Variants in EPB41L4A observed in about 807,000 individuals in gnomAD.
EPB41L4A encodes erythrocyte membrane protein band 4.1 like 4A.
In EPB41L4A, 100 loss-of-function variants were observed where a neutral mutation model predicts 108.6. The ratio of observed to expected loss-of-function variants is 0.92; its 90% CI spans 0.78 to 1.09. The LOEUF is 1.09. Among genes scored for constraint, EPB41L4A ranks in the 50% least tolerant of loss-of-function variants. The probability of loss-of-function intolerance (pLI) is 0.00; values close to 1 mark genes in which losing one functional copy is unlikely to be tolerated. For missense variants in EPB41L4A, 1,030 were observed against 842.7 expected (o/e 1.22, Z -2.75); for synonymous variants, 319 against 289.0 (o/e 1.10, Z -1.05).
At chr5:112,239,297 A>G (rs550686732) in intron 11 of EPB41L4A, among the ~76,000 whole-genome samples, 1 of 152,376 alleles carries the variant, frequency 6.6e-6, no homozygotes, top group African/African-American at 2.4e-5. Flanking sequence ...GTATTAAAAT[A>G]GGGGATCAAC....
At chr5:112,406,320 G>A (rs1762069290) in intron 1 of EPB41L4A, among the ~76,000 whole-genome samples, 1 of 152,160 alleles carries the variant, frequency 6.6e-6, no homozygotes, top group Non-Finnish European at 1.5e-5. Flanking sequence ...TCACTGATCA[G>A]TTTTTAATTT....
At chr5:112,396,016 A>G (rs1221251086) in intron 1 of EPB41L4A, among the ~76,000 whole-genome samples, 2 of 152,158 alleles carry the variant, frequency 1.3e-5, no homozygotes, top group African/African-American at 4.8e-5. Context: ...ACCAAACACC[A>G]CATGTTCTCA....
chr5:112,362,913 T>C (rs971852488), intron 1 of EPB41L4A, among the ~76,000 whole-genome samples: 2 of 88,550 alleles, frequency 2.3e-5, no homozygotes, highest in Admixed American at 2.6e-4. Context: ...ATTTGATTAT[T>C]ATTATTTTTT....
chr5:112,265,881 G>T (rs1751816167), intron 5 of EPB41L4A, among the ~76,000 whole-genome samples: 1 of 152,210 alleles, frequency 6.6e-6, no homozygotes, highest in Non-Finnish European at 1.5e-5. Flanking sequence ...AGCAATGCAG[G>T]AGCAATGGGA....
intron 18 of EPB41L4A, among the ~76,000 whole-genome samples, chr5:112,172,980 G>A (rs191426212): frequency 7.9e-5 from 12 of 152,266 alleles, no homozygotes; most frequent in Admixed American, 4.6e-4. Context: ...CCAACTAGAC[G>A]CCAGTAGCAC....
At chr5:112,274,766 T>A (rs551919492) in intron 4 of EPB41L4A, among the ~76,000 whole-genome samples, 2 of 152,322 alleles carry the variant, frequency 1.3e-5, no homozygotes, top group Admixed American at 1.3e-4. Context: ...GACAACCTAA[T>A]TAATACCAAT....
chr5:112,352,453 T>C (rs987767), intron 1 of EPB41L4A, among the ~76,000 whole-genome samples: 21,669 of 152,244 alleles, frequency 0.14, 1,725 homozygotes, highest in East Asian at 0.33. Flanking sequence ...CTTTATTCCA[T>C]TGTGGTCTAA....
Position 112,209,902 on chromosome 5 carries a change from G to A in EPB41L4A, c.1168C>T (p.Pro390Ser). 2 of 1,597,210 alleles carry A rather than the reference G, an allele frequency of 1.3e-6. No individual in the cohort carries two copies. Among genetic ancestry groups the A allele is most frequent in the East Asian group, 4.5e-5 (2 of 44,528 alleles). ...GTTAACTTCACTGACCTTTTTACTG[G>A]TGAAGGTGCAATAATTTTAATTGTT... is the stretch of plus-strand genomic sequence containing the variant. Reference protein sequence around the residue: ...EGTIKIIAPSPVKSFKKAKNE... With the variant: ...EGTIKIIAPSSVKSFKKAKNE... Residue 390 changes from proline to serine, a missense_variant, in exon 13 of 23, where the codon CCA becomes TCA. Coordinates refer to ENST00000261486, the MANE Select transcript of EPB41L4A (RefSeq NM_022140.5).
At chr5:112,299,240 T>A (rs1328006889) in intron 2 of EPB41L4A, among the ~76,000 whole-genome samples, 2 of 152,194 alleles carry the variant, frequency 1.3e-5, no homozygotes, top group Non-Finnish European at 2.9e-5. Flanking sequence ...GACCATAGAT[T>A]GTCTAGTTGT....
At chr5:112,320,969 C>A (rs1755732045) in intron 1 of EPB41L4A, among the ~76,000 whole-genome samples, 1 of 152,112 alleles carries the variant, frequency 6.6e-6, no homozygotes, top group Non-Finnish European at 1.5e-5. Context: ...CTGTGAGGGG[C>A]CAAAAGTAAA....
intron 1 of EPB41L4A, among the ~76,000 whole-genome samples, chr5:112,358,623 T>C (rs955204513): frequency 2.6e-5 from 4 of 152,230 alleles, no homozygotes; most frequent in Non-Finnish European, 5.9e-5. Context: ...GAAACTGGTA[T>C]ATCCACTTTA....
At chr5:112,251,509 G>A (rs1750665904) in intron 9 of EPB41L4A, among the ~76,000 whole-genome samples, 1 of 151,924 alleles carries the variant, frequency 6.6e-6, no homozygotes, top group South Asian at 2.1e-4. Context: ...ACTAAGTGGG[G>A]AAAAAACCCC....
At chr5:112,336,090 G>A (rs1425535541) in intron 1 of EPB41L4A, among the ~76,000 whole-genome samples, 1 of 152,148 alleles carries the variant, frequency 6.6e-6, no homozygotes, top group African/African-American at 2.4e-5. Flanking sequence ...AGGAGGGTTT[G>A]GATAAGTGGG....
At chr5:112,380,103 G>A (rs1760067474) in intron 1 of EPB41L4A, among the ~76,000 whole-genome samples, 1 of 152,140 alleles carries the variant, frequency 6.6e-6, no homozygotes, top group Non-Finnish European at 1.5e-5. Context: ...TGCTCTTGGA[G>A]AGCTTAGCCC....
chr5:112,344,248 G>A (rs1757501111), intron 1 of EPB41L4A, among the ~76,000 whole-genome samples: 1 of 152,198 alleles, frequency 6.6e-6, no homozygotes, highest in African/African-American at 2.4e-5. Context: ...TAGGTCCACA[G>A]TCTCACTAGT....
intron 2 of EPB41L4A, among the ~76,000 whole-genome samples, chr5:112,295,194 A>C (rs909519913): frequency 6.6e-6 from 1 of 152,182 alleles, no homozygotes; most frequent in African/African-American, 2.4e-5. Context: ...TCAATCTAGG[A>C]ATTAAGGAGT....
intron 1 of EPB41L4A, among the ~76,000 whole-genome samples, chr5:112,337,283 T>A (rs963283219): frequency 4.6e-5 from 7 of 152,212 alleles, no homozygotes; most frequent in Admixed American, 1.3e-4. Context: ...TCTGTTATAG[T>A]CAGCTTTGCC....
chr5:112,415,926 T>TCCG (rs1319148261), intron 1 of EPB41L4A, among the ~76,000 whole-genome samples: 1 of 151,992 alleles, frequency 6.6e-6, no homozygotes, highest in Non-Finnish European at 1.5e-5. Flanking sequence ...GGCAAATACC[T>TCCG]CCGTAACATT....
At chr5:112,400,554 C>T (rs1761679701) in intron 1 of EPB41L4A, among the ~76,000 whole-genome samples, 1 of 152,002 alleles carries the variant, frequency 6.6e-6, no homozygotes. Flanking sequence ...AAGAAAGTGT[C>T]AGAGGGAGGT....
Sources: gnomAD v4.1 joint callset for allele counts (sites outside exome capture counted in the v4.1 genomes callset) on GRCh38, gnomAD v4.1.1 for gene constraint, MANE v1.5 for transcripts, NCBI Gene and HGNC (gene_info 2026-07-23, HGNC 2026-07-21) for gene names.